The following PDE4D variants were observed in gnomAD, a reference collection of about 807,000 sequenced individuals.
PDE4D encodes the protein 3',5'-cyclic-AMP phosphodiesterase 4D.
PDE4D carries 24 observed loss-of-function variants against 87.4 expected under a neutral mutation model. The observed-to-expected ratio is 0.27, with a 90% confidence interval of 0.20 to 0.39. PDE4D has a LOEUF of 0.39. PDE4D is among the 10% of genes least tolerant of loss of function. The pLI, the probability that PDE4D is intolerant of heterozygous loss-of-function variation, is 1.00. For synonymous variants in PDE4D, 384 were observed against 383.2 expected (o/e 1.00, Z -0.02); for missense variants, 714 against 1,041.0 (o/e 0.69, Z 4.32).
At chr5:60,191,492 G>T (rs1785191660) in intron 1 of PDE4D, among the ~76,000 whole-genome samples, 1 of 152,214 alleles carries the variant, frequency 6.6e-6, no homozygotes, top group East Asian at 1.9e-4. Context: ...TGTGAAGAAG[G>T]TGTCTTGCTT....
chr5:59,067,031 T>TATTTATTTAGAG (rs1314875932), intron 5 of PDE4D, among the ~76,000 whole-genome samples: 13 of 138,726 alleles, frequency 9.4e-5, no homozygotes, highest in African/African-American at 3.5e-4. Flanking sequence ...TTTATTTATT[T>TATTTATTTAGAG]AGAGAGAGAG....
intron 1 of PDE4D, among the ~76,000 whole-genome samples, chr5:60,279,273 C>T (rs1751660672): frequency 6.6e-6 from 1 of 152,122 alleles, no homozygotes; most frequent in African/African-American, 2.4e-5. Context: ...CCACGGACAC[C>T]AGCCCAGTCA....
chr5:59,650,074 A>C (rs1367447888), intron 1 of PDE4D, among the ~76,000 whole-genome samples: 1 of 151,652 alleles, frequency 6.6e-6, no homozygotes, highest in African/African-American at 2.4e-5. Context: ...AATGTACAAA[A>C]GGTTTACATG....
chr5:59,602,694 T>G (rs1300157613), intron 1 of PDE4D, among the ~76,000 whole-genome samples: 2 of 151,958 alleles, frequency 1.3e-5, no homozygotes, highest in Non-Finnish European at 2.9e-5. Flanking sequence ...CAATACTAAA[T>G]TTCATATGGA....
chr5:59,992,907 A>G (rs985504132), intron 2 of PDE4D, among the ~76,000 whole-genome samples: 1 of 152,192 alleles, frequency 6.6e-6, no homozygotes, highest in Admixed American at 6.5e-5. Flanking sequence ...ATCAATGTGT[A>G]TCAGTTATGG....
chr5:60,183,156 CGA>C (rs900060574), intron 2 of PDE4D, among the ~76,000 whole-genome samples: 1 of 152,104 alleles, frequency 6.6e-6, no homozygotes, highest in African/African-American at 2.4e-5. Flanking sequence ...CAAACCAGGA[CGA>C]GAGAGCTTAC....
chr5:60,146,650 C>T (rs1163834938), intron 2 of PDE4D, among the ~76,000 whole-genome samples: 1 of 152,178 alleles, frequency 6.6e-6, no homozygotes, highest in Non-Finnish European at 1.5e-5. Flanking sequence ...TAAAAGCTTA[C>T]ATCTGCACCA....
intron 1 of PDE4D, among the ~76,000 whole-genome samples, chr5:60,212,409 T>C (rs1349450633): frequency 6.6e-6 from 1 of 152,212 alleles, no homozygotes; most frequent in Non-Finnish European, 1.5e-5. Flanking sequence ...ACTCTATGCT[T>C]ACAGCCTGCA....
At chr5:59,256,693 G>A (rs1347675404) in intron 1 of PDE4D, among the ~76,000 whole-genome samples, 1 of 151,886 alleles carries the variant, frequency 6.6e-6, no homozygotes, top group Admixed American at 6.6e-5. Flanking sequence ...CACTCTCCCT[G>A]GCTCATTTTG....
chr5:59,587,705 C>T lies in PDE4D; in HGVS notation c.455+305463G>A, dbSNP rs980100305. 4.0e-6 allele frequency: 3 copies of T among 750,252 alleles called. No homozygotes were observed. The African/African-American group carries it at 5.7e-5, about 14-fold the overall frequency. 46.5% of individuals were successfully genotyped at this position (750,252 alleles called of 1,614,324 possible). ...TCAAGGGGGCCCTCTAGGTGGGTTC[C>T]CAGACATTGCAGAGCCGCGCACTCC... On this transcript the variant is annotated intron_variant, in intron 1 of 14. Transcript: ENST00000340635.
At chr5:58,989,996 A>AC in intron 9 of PDE4D, 77 bp from the exon 10 acceptor site, 1 of 891,364 alleles carries the variant, frequency 1.1e-6, no homozygotes. Context: ...TAAAAAAAAA[A>AC]ATCACACACC....
chr5:60,115,061 A>T (rs1778040648), intron 2 of PDE4D, among the ~76,000 whole-genome samples: 1 of 152,030 alleles, frequency 6.6e-6, no homozygotes, highest in African/African-American at 2.4e-5. Flanking sequence ...CAGTAGATTG[A>T]AGTGGCAGAT....
intron 1 of PDE4D, among the ~76,000 whole-genome samples, chr5:59,617,377 T>C (rs1579885864): frequency 6.6e-6 from 1 of 152,160 alleles, no homozygotes; most frequent in African/African-American, 2.4e-5. Flanking sequence ...TCTATGAATG[T>C]ATGACAATAA....
chr5:59,445,129 C>T (rs1335956117), intron 1 of PDE4D, among the ~76,000 whole-genome samples: 2 of 152,072 alleles, frequency 1.3e-5, no homozygotes, highest in African/African-American at 4.8e-5. Flanking sequence ...CAACTCTTTA[C>T]GAAGCACTAA....
chr5:59,467,699 A>G (rs887492321), intron 1 of PDE4D, among the ~76,000 whole-genome samples: 4 of 152,260 alleles, frequency 2.6e-5, no homozygotes, highest in Non-Finnish European at 5.9e-5. Flanking sequence ...ATTGAAGCAT[A>G]CGTACAATTG....
chr5:59,759,684 A>C (rs780582883), intron 1 of PDE4D, among the ~76,000 whole-genome samples: 4 of 152,186 alleles, frequency 2.6e-5, no homozygotes, highest in Non-Finnish European at 5.9e-5. Context: ...CACAGAGGGC[A>C]ACAGCCAGTT....
At chr5:60,311,055 T>C (rs1260047567) in intron 1 of PDE4D, among the ~76,000 whole-genome samples, 1 of 151,946 alleles carries the variant, frequency 6.6e-6, no homozygotes, top group African/African-American at 2.4e-5. Context: ...TTTGCTCTTG[T>C]TGCCCAGGCT....
intron 1 of PDE4D, chr5:59,275,702 A>C: frequency 2.5e-5 from 27 of 1,088,202 alleles, no homozygotes; most frequent in Non-Finnish European, 3.0e-5. Context: ...TTGATTCTTC[A>C]TCTGGGTCAC....
chr5:60,291,972 A>C (rs1181809078), intron 1 of PDE4D, among the ~76,000 whole-genome samples: 1 of 152,184 alleles, frequency 6.6e-6, no homozygotes, highest in African/African-American at 2.4e-5. Flanking sequence ...CACATAATAG[A>C]GACACATTAT....
Sources: gnomAD v4.1 joint callset for allele counts (sites outside exome capture counted in the v4.1 genomes callset) on GRCh38, gnomAD v4.1.1 for gene constraint, MANE v1.5 for transcripts, NCBI Gene and HGNC (gene_info 2026-07-23, HGNC 2026-07-21) for gene names.